MAF: variants seen among roughly 807,000 people sequenced by gnomAD.
The protein encoded by MAF is transcription factor Maf.
A neutral mutation model predicts 22.0 loss-of-function variants in MAF; 10 were observed. The observed-to-expected ratio is 0.45, with a 90% CI of 0.28 to 0.77. The LOEUF (loss-of-function observed/expected upper bound fraction) is 0.77, where lower values mean the gene tolerates loss of function less well. Among genes scored for constraint, MAF ranks in the 30% least tolerant of loss-of-function variants. The pLI is 0.12. For synonymous variants in MAF, 337 were observed against 255.8 expected (o/e 1.32, Z -3.03); for missense variants, 544 against 548.4 (o/e 0.99, Z 0.08).
the MAF span, among the ~76,000 whole-genome samples, chr16:79,297,946 A>G: frequency 6.6e-6 from 1 of 152,228 alleles, no homozygotes; most frequent in Non-Finnish European, 1.5e-5. Flanking sequence ...CCCAGGAGTT[A>G]ATATTTGCAA....
chr16:79,441,012 A>G, the MAF span, among the ~76,000 whole-genome samples: 2 of 152,146 alleles, frequency 1.3e-5, no homozygotes, highest in African/African-American at 4.8e-5. Context: ...ACCCTCTCAC[A>G]ATTTGGGAGG....
chr16:79,525,925 C>G, the MAF span, among the ~76,000 whole-genome samples: 4 of 152,164 alleles, frequency 2.6e-5, no homozygotes, highest in Non-Finnish European at 5.9e-5. Context: ...GCCCTAGAGG[C>G]CTTAAGAGAA....
chr16:79,563,764 A>ACAC, the MAF span, among the ~76,000 whole-genome samples: 578 of 123,748 alleles, frequency 4.7e-3, 2 homozygotes, highest in African/African-American at 0.015. Flanking sequence ...CACACACACA[A>ACAC]ACACACACAC....
the MAF span, among the ~76,000 whole-genome samples, chr16:79,247,803 G>C: frequency 6.6e-6 from 1 of 152,108 alleles, no homozygotes; most frequent in Non-Finnish European, 1.5e-5. Context: ...TGAATAAAAT[G>C]AAATATGGAA....
the MAF span, among the ~76,000 whole-genome samples, chr16:79,578,604 A>G: frequency 2.0e-5 from 3 of 152,222 alleles, no homozygotes; most frequent in Non-Finnish European, 4.4e-5. Context: ...GACTCCCCCA[A>G]TAAATAACAC....
chr16:79,387,468 A>C, the MAF span, among the ~76,000 whole-genome samples: 1 of 152,184 alleles, frequency 6.6e-6, no homozygotes, highest in Non-Finnish European at 1.5e-5. Flanking sequence ...TCCCAGTGGG[A>C]AGTTATTAGT....
rs370393708 is a variant in MAF at position 79,594,488 on chromosome 16, C to T, written c.1184G>A (p.Arg395His). 48 of 1,564,954 alleles carry T rather than the reference C, an allele frequency of 3.1e-5. No homozygotes were observed. The highest frequency in any genetic ancestry group is 1.9e-4 in the South Asian group (16 of 85,168). The change falls in exon 2 of 2, where the codon CGT (arginine) becomes CAT (histidine). Residue 395 changes from arginine (R) to histidine (H), a missense_variant. Arg to His is a conservative substitution (Grantham distance 29, BLOSUM62 0). Around this residue, in one of 5 missense-constraint regions of MAF, gnomAD observed 129 missense variants for 113.6 expected, o/e 1.14. Coordinates refer to ENST00000326043, the MANE Select transcript of MAF (RefSeq NM_005360.5). Reference sequence around the variant, plus strand: ...TTTTGTGAACACACTGGTAAGTACACGATGCTGGGGCTTCCAAAATGTGGC... The same window carrying T: ...TTTTGTGAACACACTGGTAAGTACATGATGCTGGGGCTTCCAAAATGTGGC... ...GYATFWKPQH[R>H]VLTSVFTK
the MAF span, among the ~76,000 whole-genome samples, chr16:79,576,895 T>C: frequency 6.6e-6 from 1 of 152,206 alleles, no homozygotes; most frequent in Non-Finnish European, 1.5e-5. Flanking sequence ...TCCTTTTTAG[T>C]GTTACTACAG....
At chr16:79,579,593 A>C in the MAF span, among the ~76,000 whole-genome samples, 1 of 152,212 alleles carries the variant, frequency 6.6e-6, no homozygotes, top group Non-Finnish European at 1.5e-5. Flanking sequence ...AAAGAAAAGA[A>C]ACAATAAAAG....
the MAF span, among the ~76,000 whole-genome samples, chr16:79,246,512 G>A: frequency 1.6e-5 from 2 of 122,176 alleles, no homozygotes; most frequent in East Asian, 2.2e-4. Flanking sequence ...CCTTTGATAT[G>A]TTTGGTTTGG....
chr16:79,443,636 G>A, the MAF span, among the ~76,000 whole-genome samples: 1 of 152,220 alleles, frequency 6.6e-6, no homozygotes, highest in Non-Finnish European at 1.5e-5. Flanking sequence ...ATAATATCAG[G>A]AGCAAATGCA....
the MAF span, among the ~76,000 whole-genome samples, chr16:79,292,475 T>C: frequency 2.6e-5 from 4 of 152,008 alleles, no homozygotes; most frequent in Admixed American, 6.6e-5. Context: ...TGAGAAAGAG[T>C]AAATTTCTTT....
the MAF span, among the ~76,000 whole-genome samples, chr16:79,373,384 TTTTTTTTTTTTTTTTTG>T: frequency 8.4e-6 from 1 of 119,112 alleles, no homozygotes; most frequent in East Asian, 2.4e-4. Context: ...TTTTTTTTTT[TTTTTTTTTTTTTTTTTG>T]AGACACAGTC....
the MAF span, among the ~76,000 whole-genome samples, chr16:79,237,609 C>T: frequency 6.6e-6 from 1 of 152,052 alleles, no homozygotes; most frequent in Non-Finnish European, 1.5e-5. Flanking sequence ...TGAGTTCCAT[C>T]TCAGAGGACA....
chr16:79,527,296 T>C, the MAF span, among the ~76,000 whole-genome samples: 1 of 152,184 alleles, frequency 6.6e-6, no homozygotes, highest in African/African-American at 2.4e-5. Context: ...CAAATATAGC[T>C]CTAAGCTTGC....
chr16:79,320,638 G>C, the MAF span, among the ~76,000 whole-genome samples: 1 of 152,176 alleles, frequency 6.6e-6, no homozygotes, highest in Non-Finnish European at 1.5e-5. Flanking sequence ...TGTGGCTTTG[G>C]GCAAATGAAT....
the MAF span, among the ~76,000 whole-genome samples, chr16:79,361,048 A>G: frequency 6.6e-6 from 1 of 152,174 alleles, no homozygotes; most frequent in African/African-American, 2.4e-5. Flanking sequence ...TCCAGCACAC[A>G]CTATTCCTTT....
At chr16:79,543,723 G>A in the MAF span, among the ~76,000 whole-genome samples, 1 of 128,092 alleles carries the variant, frequency 7.8e-6, no homozygotes. Context: ...GTCTCGCTCT[G>A]TCGCCCAGGC....
the MAF span, among the ~76,000 whole-genome samples, chr16:79,398,645 G>GTT: frequency 6.6e-6 from 1 of 152,126 alleles, no homozygotes; most frequent in Non-Finnish European, 1.5e-5. Flanking sequence ...ATGTGTGTGT[G>GTT]TGTGTTGCAT....
Sources: allele counts gnomAD v4.1 joint callset (sites outside exome capture counted in the v4.1 genomes callset), GRCh38; gene constraint gnomAD v4.1.1; regional missense constraint gnomAD v4.1.1; transcripts MANE v1.5; gene names NCBI Gene and HGNC (gene_info 2026-07-23, HGNC 2026-07-21).